WBP1L: variants seen among roughly 807,000 people sequenced by gnomAD.
WBP1L encodes WW domain binding protein 1 like.
Under a neutral mutation model 33.7 loss-of-function variants are expected in WBP1L, and 17 were observed. The ratio of observed to expected loss-of-function variants is 0.50; its 90% CI spans 0.34 to 0.76. The LOEUF (loss-of-function observed/expected upper bound fraction) is 0.76, where lower values mean the gene tolerates loss of function less well. Ranked by LOEUF, WBP1L falls within the 30% of genes least tolerant of loss-of-function variation. The pLI, the probability that WBP1L is intolerant of heterozygous loss-of-function variation, is 0.01. For synonymous variants in WBP1L, 173 were observed against 190.8 expected (o/e 0.91, Z 0.77); for missense variants, 389 against 469.4 (o/e 0.83, Z 1.58).
chr10:102,754,480 C>T (rs1253754544), intron 1 of WBP1L, among the ~76,000 whole-genome samples: 2 of 152,148 alleles, frequency 1.3e-5, no homozygotes, highest in Non-Finnish European at 2.9e-5. Context: ...CTCACTGCAA[C>T]CTCCGCCTCC....
chr10:102,750,648 C>G (rs1468880789), intron 1 of WBP1L, among the ~76,000 whole-genome samples: 4 of 149,364 alleles, frequency 2.7e-5, no homozygotes, highest in Non-Finnish European at 6.0e-5. Flanking sequence ...ACTACAGGTG[C>G]CCACCACCAC....
At chr10:102,783,707 G>A (rs1843369434) in intron 1 of WBP1L, among the ~76,000 whole-genome samples, 2 of 152,206 alleles carry the variant, frequency 1.3e-5, no homozygotes, top group Admixed American at 1.3e-4. Flanking sequence ...GTTGCTACTG[G>A]CATATCTAGT....
intron 1 of WBP1L, among the ~76,000 whole-genome samples, chr10:102,772,925 C>CTT (rs58706105): frequency 2.7e-3 from 375 of 138,934 alleles, no homozygotes; most frequent in Middle Eastern, 0.011. Context: ...GTATGACTTC[C>CTT]TTTTTTTTTT....
intron 1 of WBP1L, among the ~76,000 whole-genome samples, chr10:102,785,072 C>T (rs1246392254): frequency 4.6e-5 from 7 of 151,834 alleles, no homozygotes; most frequent in African/African-American, 1.2e-4. Flanking sequence ...CAGGGTTTCA[C>T]CATGGTAGCC....
In WBP1L at chr10:102,744,022, C is replaced by T. The variant is rs2134020380; in HGVS notation, c.-32C>T. ...GGGAGGAGGAGGAGGGAGGTGGCGG[C>T]GCCGTGGCGGAGGAGCAGGAGCAGG... On this transcript the variant is annotated 5_prime_UTR_variant, in exon 1 of 4. Transcript: ENST00000448841. The T allele has an allele frequency of 1.3e-6, 2 of 1,499,740 alleles. No individual in the cohort carries two copies. Among genetic ancestry groups the T allele is most frequent in the Admixed American group, 2.0e-5 (1 of 49,866 alleles). The allele number at this position is 1,499,740 out of a possible 1,614,324, so 92.9% of individuals were successfully genotyped here. A position where few individuals can be genotyped will look rare whatever the true frequency, so the allele number is the denominator to read the frequency against.
At chr10:102,803,495 C>T (rs1843686030) in intron 2 of WBP1L, among the ~76,000 whole-genome samples, 1 of 152,116 alleles carries the variant, frequency 6.6e-6, no homozygotes, top group Non-Finnish European at 1.5e-5. Context: ...CCACAGTGAA[C>T]TCACAATTTT....
chr10:102,777,831 C>G (rs993323234), intron 1 of WBP1L, among the ~76,000 whole-genome samples: 1 of 152,096 alleles, frequency 6.6e-6, no homozygotes, highest in Non-Finnish European at 1.5e-5. Context: ...TCCCGAAGTG[C>G]TAGGATTACA....
chr10:102,784,429 T>TC (rs1843382554), intron 1 of WBP1L, among the ~76,000 whole-genome samples: 5 of 144,770 alleles, frequency 3.5e-5, no homozygotes, highest in Admixed American at 3.4e-4. Context: ...TTCTTTTTTT[T>TC]TTTTTTTTTT....
At chr10:102,810,167 C>T in intron 3 of WBP1L, 113 bp downstream of exon 3, 3 of 1,369,348 alleles carry the variant, frequency 2.2e-6, no homozygotes, top group Non-Finnish European at 3.0e-6. Flanking sequence ...TTTGTCCTCT[C>T]CCTGCCCCTC....
In WBP1L at chr10:102,810,090, A is replaced by G. The variant is rs774975034; in HGVS notation, c.355+36A>G. On this transcript the variant is annotated intron_variant, in intron 3 of 3. Coordinates refer to ENST00000448841, the MANE Select transcript of WBP1L (RefSeq NM_001083913.2). ...CCAAGCCCCCATACCCACCCTCAGG[A>G]GCTCAGGTGCACAGACCCAGGGCTC... is the stretch of plus-strand genomic sequence containing the variant. The G allele has an allele frequency of 2.5e-6, 4 of 1,577,894 alleles. 1 individual carries two copies. The South Asian group carries it at 4.7e-5, about 18-fold the overall frequency.
At chr10:102,772,257 C>CTTTTTTTTTT (rs34766191) in intron 1 of WBP1L, among the ~76,000 whole-genome samples, 3 of 61,032 alleles carry the variant, frequency 4.9e-5, no homozygotes, top group African/African-American at 6.9e-5. Flanking sequence ...TGCGCCCGGC[C>CTTTTTTTTTT]TTTTTTTTTT....
chr10:102,783,418 C>T (rs968218810), intron 1 of WBP1L, among the ~76,000 whole-genome samples: 8 of 152,148 alleles, frequency 5.3e-5, no homozygotes, highest in Admixed American at 1.3e-4. Flanking sequence ...ACTCAGCGGT[C>T]GCTAGGTTCA....
At chr10:102,763,232 T>C (rs560874122) in intron 1 of WBP1L, among the ~76,000 whole-genome samples, 2 of 132,870 alleles carry the variant, frequency 1.5e-5, no homozygotes, top group Admixed American at 1.5e-4. Context: ...AAAAAAGAAT[T>C]TGGAGACTGA....
chr10:102,809,574 T>C (rs1017842135), intron 2 of WBP1L, among the ~76,000 whole-genome samples: 2 of 152,104 alleles, frequency 1.3e-5, no homozygotes, highest in Non-Finnish European at 2.9e-5. Flanking sequence ...GGTTTCACCA[T>C]GTTGGCCAGG....
intron 2 of WBP1L, among the ~76,000 whole-genome samples, chr10:102,801,812 G>C (rs545580375): frequency 6.6e-6 from 1 of 151,868 alleles, no homozygotes; most frequent in African/African-American, 2.4e-5. Context: ...TGCCCAACTC[G>C]TTTTTCATTT....
chr10:102,760,478 G>A (rs1843024753), intron 1 of WBP1L, among the ~76,000 whole-genome samples: 1 of 150,240 alleles, frequency 6.7e-6, no homozygotes, highest in South Asian at 2.1e-4. Context: ...CCGGGTTCAA[G>A]CGATTCTCCT....
chr10:102,770,659 C>T (rs1031179396), intron 1 of WBP1L, among the ~76,000 whole-genome samples: 3 of 152,146 alleles, frequency 2.0e-5, no homozygotes, highest in African/African-American at 7.2e-5. Flanking sequence ...CTTTCCCAGT[C>T]TTTGACCTCA....
intron 1 of WBP1L, among the ~76,000 whole-genome samples, chr10:102,795,597 T>G (rs1564766031): frequency 6.6e-6 from 1 of 152,206 alleles, no homozygotes; most frequent in Non-Finnish European, 1.5e-5. Context: ...ATGTCTCACT[T>G]AAGACCAGTT....
At chr10:102,790,695 TAG>T (rs1025726841) in intron 1 of WBP1L, among the ~76,000 whole-genome samples, 2 of 151,920 alleles carry the variant, frequency 1.3e-5, no homozygotes, top group Non-Finnish European at 2.9e-5. Flanking sequence ...GTATTTTTAT[TAG>T]AGACAGGATT....
Sources: allele counts gnomAD v4.1 joint callset (sites outside exome capture counted in the v4.1 genomes callset), GRCh38; gene constraint gnomAD v4.1.1; transcripts MANE v1.5; gene names NCBI Gene and HGNC (gene_info 2026-07-23, HGNC 2026-07-21).